MREG: variants seen among roughly 807,000 people sequenced by gnomAD.
The protein encoded by MREG is melanoregulin, also known as dilute suppressor protein homolog.
MREG carries 31 observed loss-of-function variants against 28.5 expected under a neutral mutation model. The ratio of observed to expected loss-of-function variants is 1.09; its 90% CI spans 0.82 to 1.47. The LOEUF is 1.47. Ranked by LOEUF, MREG falls within the 40% of genes most tolerant of loss-of-function variation. The probability of loss-of-function intolerance (pLI) is 0.00; values close to 1 mark genes in which losing one functional copy is unlikely to be tolerated. For missense variants in MREG, 256 were observed against 257.4 expected (o/e 0.99, Z 0.04); for synonymous variants, 106 against 95.2 (o/e 1.11, Z -0.66).
chr2:215,971,393 A>G (rs1469399717), intron 2 of MREG, among the ~76,000 whole-genome samples: 1 of 152,248 alleles, frequency 6.6e-6, no homozygotes, highest in Non-Finnish European at 1.5e-5. Flanking sequence ...GACACATGTC[A>G]GCATTTGCCC....
At chr2:215,971,278 C>T (rs1693088323) in intron 2 of MREG, among the ~76,000 whole-genome samples, 1 of 152,108 alleles carries the variant, frequency 6.6e-6, no homozygotes, top group African/African-American at 2.4e-5. Context: ...GCACATTCTG[C>T]ACATGCATCC....
Position 215,957,267 on chromosome 2 carries a change from C to T in MREG, c.256-10154G>A, listed in dbSNP as rs78293742. 5.8e-3 allele frequency among the ~76,000 whole-genome samples: 879 copies of T among 152,342 alleles called. 12 individuals carry two copies. The highest frequency in any genetic ancestry group is 0.02 in the African/African-American group (826 of 41,576). On this transcript the variant is annotated intron_variant, in intron 2 of 4. Coordinates refer to ENST00000263268, the MANE Select transcript of MREG (RefSeq NM_018000.3). ...TTTTCTAGAAGCAGAGGATTCCCCACATCCAGCACAGGATGCTGCCAAACC... is the reference window on the plus strand; with the variant it reads ...TTTTCTAGAAGCAGAGGATTCCCCATATCCAGCACAGGATGCTGCCAAACC...
intron 2 of MREG, among the ~76,000 whole-genome samples, chr2:215,994,048 A>C (rs188247941): frequency 3.3e-5 from 5 of 152,024 alleles, no homozygotes; most frequent in Admixed American, 2.0e-4. Context: ...TTGACCCAGC[A>C]ATCCCATTAC....
intron 2 of MREG, among the ~76,000 whole-genome samples, chr2:215,978,916 C>T (rs7589646): frequency 0.38 from 58,460 of 152,070 alleles, 12,313 homozygotes; most frequent in Admixed American, 0.47. Flanking sequence ...GACAAACCCA[C>T]AGCTTAATTA....
At chr2:216,025,529 C>T (rs1417794344) in intron 1 of MREG, among the ~76,000 whole-genome samples, 1 of 152,192 alleles carries the variant, frequency 6.6e-6, no homozygotes, top group East Asian at 1.9e-4. Context: ...CTCAGTCAAC[C>T]CTATGGGGAG....
intron 2 of MREG, among the ~76,000 whole-genome samples, chr2:215,973,011 A>T (rs1052723376): frequency 3.9e-5 from 6 of 152,184 alleles, no homozygotes; most frequent in African/African-American, 1.4e-4. Flanking sequence ...GGAGAAAAAA[A>T]TATGAGTGTT....
intron 1 of MREG, among the ~76,000 whole-genome samples, chr2:216,003,781 T>C (rs116616715): frequency 0.036 from 5,477 of 152,142 alleles, 189 homozygotes; most frequent in South Asian, 0.14. Flanking sequence ...CCTATATCTA[T>C]CCATCAGAAA....
At chr2:216,014,705 T>C (rs1263972868), upstream of MREG, among the ~76,000 whole-genome samples, 1 of 152,044 alleles carries the variant, frequency 6.6e-6, no homozygotes, top group African/African-American at 2.4e-5. Flanking sequence ...TGTTTGGCAG[T>C]TGAATTGCTG....
chr2:215,964,870 G>GAT (rs1483275838), intron 2 of MREG, among the ~76,000 whole-genome samples: 4 of 108,632 alleles, frequency 3.7e-5, no homozygotes, highest in South Asian at 3.1e-4. Context: ...TAGATAGATA[G>GAT]ATAGATAGAT....
chr2:215,947,003 A>G lies in MREG; in HGVS notation c.346+20T>C, dbSNP rs1692340919. On this transcript the variant is annotated intron_variant, in intron 3 of 4. Transcript: ENST00000263268. ...CACAACGAGTTATTTTTACCATTTCACAATCTCTTTTAGACTTACCTAAAT... is the reference window on the plus strand; with the variant it reads ...CACAACGAGTTATTTTTACCATTTCGCAATCTCTTTTAGACTTACCTAAAT... The G allele has an allele frequency of 1.4e-6, 2 of 1,405,128 alleles. No homozygotes were observed. The highest frequency in any genetic ancestry group is 2.3e-5 in the East Asian group (1 of 43,954). The allele number at this position is 1,405,128 out of a possible 1,614,324, so 87.0% of individuals were successfully genotyped here. A position where few individuals can be genotyped will look rare whatever the true frequency, so the allele number is the denominator to read the frequency against.
At chr2:216,032,579 C>T (rs989846192) in intron 1 of MREG, among the ~76,000 whole-genome samples, 2 of 152,178 alleles carry the variant, frequency 1.3e-5, no homozygotes, top group African/African-American at 4.8e-5. Flanking sequence ...AATAGCTTTA[C>T]ACCATCAAAC....
In MREG at chr2:215,943,599, TG is replaced by T. The variant is rs1692236614; in HGVS notation, c.*1263del. 57 of 422,406 alleles carry T rather than the reference TG, an allele frequency of 1.3e-4. No individual in the cohort carries two copies. The highest frequency in any genetic ancestry group is 9.2e-4 in the South Asian group (54 of 58,498). 26.2% of individuals were successfully genotyped at this position (422,406 alleles called of 1,614,324 possible). A position where few individuals can be genotyped will look rare whatever the true frequency, so the allele number is the denominator to read the frequency against. On this transcript the variant is annotated 3_prime_UTR_variant, in exon 5 of 5. Coordinates refer to ENST00000263268, the MANE Select transcript of MREG (RefSeq NM_018000.3). ...ACTCACGCCTGTAATCCCAGCACTT[TG>T]GGAGGCTGGGGCAGGCGGATGACGA...
At chr2:215,949,591 G>A (rs968763191) in intron 2 of MREG, among the ~76,000 whole-genome samples, 4 of 151,518 alleles carry the variant, frequency 2.6e-5, no homozygotes, top group Admixed American at 2.6e-4. Flanking sequence ...CCAGGACTCA[G>A]AATTATTTCT....
chr2:215,966,362 T>C (rs907294681), intron 2 of MREG, among the ~76,000 whole-genome samples: 6 of 152,350 alleles, frequency 3.9e-5, no homozygotes, highest in African/African-American at 1.4e-4. Flanking sequence ...ATATTTTTCA[T>C]GACCTACCCC....
chr2:216,004,036 C>T (rs891733700), intron 1 of MREG, among the ~76,000 whole-genome samples: 27 of 152,156 alleles, frequency 1.8e-4, no homozygotes, highest in Admixed American at 1.6e-3. Flanking sequence ...TGCAGTGGTC[C>T]CCAGGCCTGC....
Position 215,943,625 on chromosome 2 carries a change from A to T in MREG, c.*1238T>A, listed in dbSNP as rs1692237505. On this transcript the variant is annotated 3_prime_UTR_variant, in exon 5 of 5. Coordinates refer to ENST00000263268, the MANE Select transcript of MREG (RefSeq NM_018000.3). The stretch of plus-strand genomic sequence containing the variant: ...GGGAGGCTGGGGCAGGCGGATGACG[A>T]GGTCAGGAGATCGAGACCATCGTGG... The T allele has an allele frequency of 5.1e-6, 2 of 390,404 alleles. No homozygotes were observed. Among genetic ancestry groups the T allele is most frequent in the Non-Finnish European group, 5.1e-6 (1 of 196,808 alleles). 24.2% of individuals were successfully genotyped at this position (390,404 alleles called of 1,614,324 possible).
chr2:215,982,097 G>T (rs1693442251), intron 2 of MREG, among the ~76,000 whole-genome samples: 1 of 152,154 alleles, frequency 6.6e-6, no homozygotes, highest in African/African-American at 2.4e-5. Flanking sequence ...GAGGTGGGTG[G>T]ATCACCTGAG....
At chr2:215,980,659 G>A (rs1187191709) in intron 2 of MREG, among the ~76,000 whole-genome samples, 1 of 152,188 alleles carries the variant, frequency 6.6e-6, no homozygotes, top group African/African-American at 2.4e-5. Flanking sequence ...GCTGGGCGCA[G>A]TGGCTCATGC....
At chr2:215,958,302 T>G (rs1479703009) in intron 2 of MREG, among the ~76,000 whole-genome samples, 3 of 150,208 alleles carry the variant, frequency 2.0e-5, no homozygotes, top group African/African-American at 7.4e-5. Flanking sequence ...ATAAATAAAA[T>G]AAAAGAACTC....
Sources: allele counts gnomAD v4.1 joint callset (sites outside exome capture counted in the v4.1 genomes callset), GRCh38; gene constraint gnomAD v4.1.1; transcripts MANE v1.5; gene names NCBI Gene and HGNC (gene_info 2026-07-23, HGNC 2026-07-21).